COL4A5: variants seen among roughly 807,000 people sequenced by gnomAD.
COL4A5 encodes the protein collagen alpha-5(IV) chain.
COL4A5 carries 26 observed loss-of-function variants against 130.2 expected under a neutral mutation model. That is an observed-to-expected ratio of 0.20 (90% confidence interval 0.15 to 0.28). The LOEUF (loss-of-function observed/expected upper bound fraction) is 0.28, where lower values mean the gene tolerates loss of function less well. COL4A5 is among the 10% of genes least tolerant of loss of function. The pLI, the probability that COL4A5 is intolerant of heterozygous loss-of-function variation, is 1.00. For synonymous variants in COL4A5, 496 were observed against 439.6 expected, an observed-to-expected ratio of 1.13 and a Z score of -1.60; for missense variants, 1,131 against 1,344.3, an observed-to-expected ratio of 0.84 and a Z score of 2.48.
chrX:108,674,057 A>C (rs924991669), intron 42 of COL4A5, among the ~76,000 whole-genome samples: 19 of 109,409 alleles, frequency 1.7e-4, no homozygotes, highest in Non-Finnish European at 3.2e-4. Context: ...TAATAATAAT[A>C]ATAATTCAAT....
chrX:108,543,376 A>G (rs1379414034), intron 2 of COL4A5, among the ~76,000 whole-genome samples: 4 of 111,711 alleles, frequency 3.6e-5, no homozygotes, highest in Non-Finnish European at 7.5e-5. Flanking sequence ...TCCTTTCCCC[A>G]TTGCTTGTTT....
rs190368063 is a variant in COL4A5 at position 108,549,080 on chromosome X, A to T, written c.141+9275A>T. 5.4e-5 allele frequency among the ~76,000 whole-genome samples: 6 copies of T among 111,739 alleles called. No homozygotes were observed. The East Asian group carries it at 1.7e-3, about 31-fold the overall frequency. Reference sequence around the variant, plus strand: ...TGTAAATGCGGGTAAATATAAGAGGATTATATCTCTTTTCCTCTATTTATT... The same window carrying T: ...TGTAAATGCGGGTAAATATAAGAGGTTTATATCTCTTTTCCTCTATTTATT... On this transcript the variant is annotated intron_variant, in intron 2 of 52. Transcript: ENST00000328300.
rs55830722 is a variant in COL4A5 at position 108,586,361 on chromosome X, G to A, written c.1033-254G>A. Among the ~76,000 whole-genome samples, 338 of 111,366 alleles carry A rather than the reference G, an allele frequency of 3.0e-3. 1 individual carries two copies. The highest frequency in any genetic ancestry group is 9.3e-3 in the Middle Eastern group (2 of 216). On this transcript the variant is annotated intron_variant, in intron 18 of 52. Transcript: ENST00000328300. ...CAGGCTTAGGAGATTGGAATGAATT[G>A]AATGTGAATTATAGGAGAAGAGACA...
intron 36 of COL4A5, among the ~76,000 whole-genome samples, chrX:108,635,970 T>G (rs760045822): frequency 4.1e-4 from 46 of 111,943 alleles, no homozygotes; most frequent in Non-Finnish European, 7.9e-4. Context: ...TTCTGGGTAT[T>G]CCCAAAAGGG....
chrX:108,488,284 G>A (rs2064965603), intron 1 of COL4A5, among the ~76,000 whole-genome samples: 1 of 112,821 alleles, frequency 8.9e-6, no homozygotes, highest in Admixed American at 9.3e-5. Flanking sequence ...AGGAGCTATG[G>A]CTACATGGTA....
chrX:108,655,496 C>T lies in COL4A5; in HGVS notation c.3373+39C>T, dbSNP rs372391972. ...TCTTAAATGCTTCCTTCTTTCCTTC[C>T]TTATCTACTCCAACCAGTATCACAG... On this transcript the variant is annotated intron_variant, in intron 37 of 52. Coordinates refer to ENST00000328300, the MANE Select transcript of COL4A5 (RefSeq NM_033380.3). 7.5e-6 allele frequency: 9 copies of T among 1,196,501 alleles called. No homozygotes were observed. The African/African-American group carries it at 1.4e-4, about 19-fold the overall frequency.
At chrX:108,668,073 A>C (rs1267560842) in intron 40 of COL4A5, among the ~76,000 whole-genome samples, 1 of 111,605 alleles carries the variant, frequency 9.0e-6, no homozygotes, top group Non-Finnish European at 1.9e-5. Context: ...AACACAAAGG[A>C]TACCTTTTAG....
chrX:108,572,067 C>G (rs2066073908), intron 8 of COL4A5, among the ~76,000 whole-genome samples: 1 of 111,557 alleles, frequency 9.0e-6, no homozygotes, highest in Non-Finnish European at 1.9e-5. Context: ...AGTTTCTTTG[C>G]TGACACTTTA....
At chrX:108,649,121 A>G (rs2067668622) in intron 36 of COL4A5, among the ~76,000 whole-genome samples, 1 of 111,320 alleles carries the variant, frequency 9.0e-6, no homozygotes, top group African/African-American at 3.3e-5. Context: ...AATCAAATCA[A>G]GAACTCAACC....
At chrX:108,627,613 G>C in intron 36 of COL4A5, 1 of 692,097 alleles carries the variant, frequency 1.4e-6, no homozygotes, top group Non-Finnish European at 1.7e-6. Context: ...AAGGATAAGT[G>C]CATTTAATTT....
At chrX:108,487,713 T>G (rs1357593409) in intron 1 of COL4A5, among the ~76,000 whole-genome samples, 1 of 112,530 alleles carries the variant, frequency 8.9e-6, no homozygotes, top group Non-Finnish European at 1.9e-5. Context: ...AAATGTTGAT[T>G]TATTTATGCC....
At chrX:108,545,807 A>G (rs1292520848) in intron 2 of COL4A5, among the ~76,000 whole-genome samples, 8 of 111,194 alleles carry the variant, frequency 7.2e-5, no homozygotes, top group African/African-American at 2.3e-4. Context: ...TTGGGTGCAT[A>G]TATATTTAGG....
chrX:108,568,921 G>A, intron 6 of COL4A5, 100 bp downstream of exon 6: 2 of 696,871 alleles, frequency 2.9e-6, no homozygotes, highest in Non-Finnish European at 4.6e-6. Context: ...GGGATATAGT[G>A]TCTTCAGGTC....
chrX:108,667,106 G>T (rs767734718), intron 39 of COL4A5, 27 bp from the exon 40 acceptor site: 3 of 1,193,450 alleles, frequency 2.5e-6, no homozygotes, highest in Non-Finnish European at 3.4e-6. Flanking sequence ...TTGAGTTTTT[G>T]TTTTGTTTTG....
At chrX:108,605,052 G>T (rs1331657723) in intron 28 of COL4A5, among the ~76,000 whole-genome samples, 1 of 112,082 alleles carries the variant, frequency 8.9e-6, no homozygotes, top group African/African-American at 3.2e-5. Context: ...CTCCATATCA[G>T]CAATAGGGCT....
intron 1 of COL4A5, among the ~76,000 whole-genome samples, chrX:108,464,194 C>T (rs1160717922): frequency 8.9e-6 from 1 of 111,834 alleles, no homozygotes; most frequent in Non-Finnish European, 1.9e-5. Context: ...CTTCCTGATC[C>T]CCTTTCTTCA....
Position 108,599,764 on chromosome X carries a change from C to T in COL4A5, c.1948+894C>T, listed in dbSNP as rs5973838. ...ACTTTTGTCTGTGGTTGTTTTTGCA[C>T]TACAACTGAAGAGTTGAGTAGTTGC... is the stretch of plus-strand genomic sequence containing the variant. On this transcript the variant is annotated intron_variant, in intron 25 of 52. Transcript: ENST00000328300. Among the ~76,000 whole-genome samples the T allele has an allele frequency of 2.7e-5, 3 of 112,118 alleles. No homozygotes were observed. The highest frequency in any genetic ancestry group is 5.6e-5 in the Non-Finnish European group (3 of 53,249).
chrX:108,487,108 T>G (rs1188661455), intron 1 of COL4A5, among the ~76,000 whole-genome samples: 4 of 111,876 alleles, frequency 3.6e-5, no homozygotes, highest in African/African-American at 1.3e-4. Flanking sequence ...TGTTCCCTTT[T>G]CAGCTGGGTG....
chrX:108,589,852 A>G (rs143485126), intron 19 of COL4A5, among the ~76,000 whole-genome samples: 5 of 111,583 alleles, frequency 4.5e-5, no homozygotes, highest in Non-Finnish European at 5.7e-5. Flanking sequence ...AGCCTACAGA[A>G]TGGGTGAAAA....
Sources: allele counts gnomAD v4.1 joint callset (sites outside exome capture counted in the v4.1 genomes callset), GRCh38; gene constraint gnomAD v4.1.1; transcripts MANE v1.5; gene names NCBI Gene and HGNC (gene_info 2026-07-23, HGNC 2026-07-21).